The following PTK2B variants were observed in gnomAD, a reference collection of about 807,000 sequenced individuals.
The protein encoded by PTK2B is protein-tyrosine kinase 2-beta.
In PTK2B, 71 loss-of-function variants were observed where a neutral mutation model predicts 142.9. The ratio of observed to expected loss-of-function variants is 0.50; its 90% CI spans 0.41 to 0.61. The LOEUF (loss-of-function observed/expected upper bound fraction) is 0.61. Among genes scored for constraint, PTK2B ranks in the 20% least tolerant of loss-of-function variants. The pLI is 0.00. For synonymous variants in PTK2B, 519 were observed against 503.4 expected (o/e 1.03, Z -0.42); for missense variants, 1,105 against 1,320.4 (o/e 0.84, Z 2.53).
chr8:27,392,152 C>T (rs1181276015), intron 1 of PTK2B, among the ~76,000 whole-genome samples: 3 of 152,144 alleles, frequency 2.0e-5, no homozygotes, highest in Non-Finnish European at 2.9e-5. Context: ...TATTTAGAGG[C>T]GTGAACAAGT....
At chr8:27,398,561 T>C (rs1442020051) in intron 2 of PTK2B, among the ~76,000 whole-genome samples, 1 of 152,226 alleles carries the variant, frequency 6.6e-6, no homozygotes, top group African/African-American at 2.4e-5. Context: ...AGCATCCCCA[T>C]GAGTAGATAC....
At chr8:27,436,989 G>GTT in intron 15 of PTK2B, 133 bp from the exon 16 acceptor site, 1 of 781,858 alleles carries the variant, frequency 1.3e-6, no homozygotes, top group Non-Finnish European at 2.2e-6. Context: ...ACAAAGGGGA[G>GTT]AAGAAGAGAG....
At position 27,430,765 on chromosome 8, in the gene PTK2B, G is replaced by T. The variant is rs1380011941; in HGVS notation, c.670-111G>T. 24 of 1,428,114 alleles carry T rather than the reference G, an allele frequency of 1.7e-5. No individual in the cohort carries two copies. The South Asian group carries it at 2.0e-4, about 12-fold the overall frequency. The allele number at this position is 1,428,114 out of a possible 1,614,324, so 88.5% of individuals were successfully genotyped here. A position where few individuals can be genotyped will look rare whatever the true frequency, so the allele number is the denominator to read the frequency against. On this transcript the variant is annotated intron_variant, in intron 7 of 30. Coordinates refer to ENST00000346049, the MANE Select transcript of PTK2B (RefSeq NM_173176.3). ...AGATCACAGCTGCTTTTGGGGCAAA[G>T]GCCCTGGGGATCATTTTCGAGCAGT...
chr8:27,435,704 G>A, intron 13 of PTK2B, 39 bp from the exon 14 acceptor site: 4 of 1,611,594 alleles, frequency 2.5e-6, no homozygotes, highest in Non-Finnish European at 2.5e-6. Context: ...CCCACCAAGG[G>A]CATCTTGTCC....
chr8:27,344,877 G>A (rs1055555020), intron 1 of PTK2B, among the ~76,000 whole-genome samples: 2 of 152,076 alleles, frequency 1.3e-5, no homozygotes, highest in Non-Finnish European at 2.9e-5. Flanking sequence ...AGGAAGAAGA[G>A]TATTAGGGAG....
At chr8:27,333,873 C>T (rs1421327242) in intron 1 of PTK2B, among the ~76,000 whole-genome samples, 4 of 151,966 alleles carry the variant, frequency 2.6e-5, no homozygotes, top group African/African-American at 7.2e-5. Flanking sequence ...CCTTAGCCCT[C>T]ACTTCTAAGA....
intron 2 of PTK2B, among the ~76,000 whole-genome samples, chr8:27,400,252 A>G (rs577445276): frequency 2.0e-4 from 30 of 152,334 alleles, no homozygotes; most frequent in African/African-American, 5.3e-4. Flanking sequence ...TTCTTTTGCA[A>G]TAAGACTTCT....
Position 27,434,578 on chromosome 8 carries a change from C to A in PTK2B, c.1192+19C>A. 6 of 1,595,748 alleles carry A rather than the reference C, an allele frequency of 3.8e-6. No individual in the cohort carries two copies. In the South Asian group the frequency reaches 5.7e-5, roughly 15 times the overall value. On this transcript the variant is annotated intron_variant, in intron 13 of 30. Transcript: ENST00000346049. The stretch of plus-strand genomic sequence containing the variant: ...AGCATAGGTGAGCTGCCCGCTGCAT[C>A]CTCCACCTGCTCCAGTTGCCTCCCG...
At chr8:27,407,035 C>T (rs1808760600) in intron 2 of PTK2B, among the ~76,000 whole-genome samples, 1 of 152,132 alleles carries the variant, frequency 6.6e-6, no homozygotes, top group South Asian at 2.1e-4. Context: ...AGCGTGGCAT[C>T]AAGAACGCTT....
chr8:27,409,967 C>T (rs1479155373), intron 2 of PTK2B, among the ~76,000 whole-genome samples: 1 of 152,290 alleles, frequency 6.6e-6, no homozygotes, highest in East Asian at 1.9e-4. Context: ...GGTGATCCTC[C>T]TGCCTCGGCC....
chr8:27,420,682 C>G lies in PTK2B; in HGVS notation c.409C>G (p.Pro137Ala), dbSNP rs963159573. 1 of 1,614,120 alleles carries G rather than the reference C, an allele frequency of 6.2e-7. No homozygotes were observed. The highest frequency in any genetic ancestry group is 8.5e-7 in the Non-Finnish European group (1 of 1,179,986). The change falls in exon 4 of 31, where the codon CCA (proline) becomes GCA (alanine). Residue 137 changes from proline (P) to alanine (A), a missense_variant. Transcript: ENST00000346049. ...WRYDLQIRYL[P>A]EDFMESLKED... ...GTATGACCTTCAAATCCGCTACTTGCCAGAAGACTTCATGGAGAGCCTGAA... is the reference window on the plus strand; with the variant it reads ...GTATGACCTTCAAATCCGCTACTTGGCAGAAGACTTCATGGAGAGCCTGAA...
Position 27,439,391 on chromosome 8 carries a change from G to T in PTK2B, c.1827G>T (p.Trp609Cys), listed in dbSNP as rs766388355. 1 of 1,613,006 alleles carries T rather than the reference G, an allele frequency of 6.2e-7. No individual in the cohort carries two copies. Among genetic ancestry groups the T allele is most frequent in the Non-Finnish European group, 8.5e-7 (1 of 1,178,974 alleles). ...FRRFTTASDV[W>C]MFAVCMWEIL... ...GCTTCACGACAGCCAGTGACGTCTGGATGTTCGGTGAGTGCTGATTTGGGA... is the reference window on the plus strand; with the variant it reads ...GCTTCACGACAGCCAGTGACGTCTGTATGTTCGGTGAGTGCTGATTTGGGA... Residue 609 changes from tryptophan (W) to cysteine (C), a missense_variant, in exon 20 of 31, where the codon TGG becomes TGT. Trp to Cys is a radical substitution (Grantham distance 215). Transcript: ENST00000346049.
upstream of PTK2B, chr8:27,322,491 A>C (rs1188580921): frequency 6.6e-6 from 1 of 152,180 alleles, no homozygotes; most frequent in African/African-American, 2.4e-5. Flanking sequence ...TTGATAAACT[A>C]TATGGCAGGT....
chr8:27,455,108 C>T, intron 30 of PTK2B, among the ~76,000 whole-genome samples: 1 of 152,092 alleles, frequency 6.6e-6, no homozygotes, highest in Non-Finnish European at 1.5e-5. Flanking sequence ...ACATCCTAAG[C>T]CCTGGCACCT....
intron 7 of PTK2B, 51 bp from the exon 8 acceptor site, chr8:27,430,825 T>C (rs753683661): frequency 1.3e-6 from 2 of 1,591,494 alleles, no homozygotes; most frequent in East Asian, 2.3e-5. Flanking sequence ...AGGGAAGGAG[T>C]GAGACCTGGG....
intron 2 of PTK2B, among the ~76,000 whole-genome samples, chr8:27,414,807 T>C (rs977050199): frequency 6.6e-6 from 1 of 152,058 alleles, no homozygotes; most frequent in African/African-American, 2.4e-5. Flanking sequence ...GTTACTTCTT[T>C]GCTCACTCCC....
rs113697412 is a variant in PTK2B, at chr8:27,350,548, C to T, written c.-38+24867C>T. ...CTTGCTGTTATACATTCTCCAGTCC[C>T]GTGACTTCAGGGCAAAGATCAGTAG... is the stretch of plus-strand genomic sequence containing the variant. On this transcript the variant is annotated intron_variant, in intron 1 of 30. Coordinates refer to ENST00000346049, the MANE Select transcript of PTK2B (RefSeq NM_173176.3). Among the ~76,000 whole-genome samples the T allele has an allele frequency of 1.0e-4, 15 of 146,854 alleles. No homozygotes were observed. In the East Asian group the frequency reaches 2.0e-3, roughly 19 times the overall value.
intron 1 of PTK2B, among the ~76,000 whole-genome samples, chr8:27,358,816 A>G (rs902158001): frequency 6.6e-6 from 1 of 152,104 alleles, no homozygotes; most frequent in African/African-American, 2.4e-5. Context: ...TTAGGTTTCT[A>G]TTATTTTAAT....
intron 2 of PTK2B, among the ~76,000 whole-genome samples, chr8:27,416,674 C>G (rs1259624969): frequency 6.6e-6 from 1 of 152,120 alleles, no homozygotes; most frequent in African/African-American, 2.4e-5. Flanking sequence ...GCAGAATGGG[C>G]ACACTACAGA....
Sources: gnomAD v4.1 joint callset for allele counts (sites outside exome capture counted in the v4.1 genomes callset) on GRCh38, gnomAD v4.1.1 for gene constraint, MANE v1.5 for transcripts, NCBI Gene and HGNC (gene_info 2026-07-23, HGNC 2026-07-21) for gene names.